Variants in TSBP1 observed in about 807,000 individuals in gnomAD.
TSBP1 encodes the protein testis expressed basic protein 1, also known as testis-expressed basic protein 1.
In TSBP1, 56 loss-of-function variants were observed where a neutral mutation model predicts 68.8. The observed-to-expected ratio is 0.81, with a 90% confidence interval of 0.66 to 1.02. The LOEUF is 1.02. TSBP1 is among the 50% of genes least tolerant of loss of function. The pLI is 0.00. For synonymous variants in TSBP1, 171 were observed against 208.7 expected, an observed-to-expected ratio of 0.82 and a Z score of 1.56; for missense variants, 502 against 641.2, an observed-to-expected ratio of 0.78 and a Z score of 2.34.
chr6:32,303,977 A>T (rs2127566849), intron 19 of TSBP1, among the ~76,000 whole-genome samples: 1 of 152,186 alleles, frequency 6.6e-6, no homozygotes, highest in Non-Finnish European at 1.5e-5. Flanking sequence ...CAAACTTCTT[A>T]GTGTATTATT....
At chr6:32,366,707 G>T (rs1194168571) in intron 4 of TSBP1, among the ~76,000 whole-genome samples, 1 of 133,110 alleles carries the variant, frequency 7.5e-6, no homozygotes, top group African/African-American at 2.7e-5. Context: ...AGCTTGCAGT[G>T]AGCCGAGATT....
At chr6:32,293,135 T>C in exon 23 of TSBP1, 1 of 1,598,040 alleles carries the variant, frequency 6.3e-7, no homozygotes, top group Non-Finnish European at 8.6e-7. Flanking sequence ...TTTTTCTTTT[T>C]TATTTGGATC....
At chr6:32,339,617 G>A in exon 10 of TSBP1, 1 of 1,286,646 alleles carries the variant, frequency 7.8e-7, no homozygotes, top group Non-Finnish European at 1.1e-6. Flanking sequence ...TTCTTCAGTT[G>A]TTTGTAAACA....
chr6:32,305,107 A>G (rs912027037), intron 19 of TSBP1, among the ~76,000 whole-genome samples: 4 of 152,194 alleles, frequency 2.6e-5, no homozygotes, highest in Non-Finnish European at 5.9e-5. Flanking sequence ...AAGCCCACCA[A>G]GAGTTTGCCT....
chr6:32,322,576 A>G (rs1367446182), intron 18 of TSBP1, 70 bp from the exon 20 acceptor site: 61 of 1,226,146 alleles, frequency 5.0e-5, no homozygotes, highest in Non-Finnish European at 6.3e-5. Context: ...TATCTAATAT[A>G]TTTTGCTGGA....
At chr6:32,370,471 C>G (rs1452748608) in intron 1 of TSBP1, among the ~76,000 whole-genome samples, 1 of 134,132 alleles carries the variant, frequency 7.5e-6, no homozygotes, top group Non-Finnish European at 1.6e-5. Context: ...TATAAATATA[C>G]TTTTATAGGC....
In TSBP1 at chr6:32,346,711, G is replaced by T. The variant is rs143255241; in HGVS notation, c.349+3029C>A. Among the ~76,000 whole-genome samples, 1,066 of 152,206 alleles carry T rather than the reference G, an allele frequency of 7.0e-3. 19 individuals carry two copies. The highest frequency in any genetic ancestry group is 0.019 in the East Asian group (100 of 5,170). On this transcript the variant is annotated intron_variant, in intron 9 of 22. Transcript: ENST00000612031. ...AAATTAGCTGGGTATTGTGGTGCAC[G>T]CCTGTAATCCCAGCTGCTTGGGTGG...
chr6:32,320,310 T>A (rs1315501840), intron 18 of TSBP1: 7 of 441,028 alleles, frequency 1.6e-5, no homozygotes, highest in Non-Finnish European at 3.2e-5. Context: ...CCTGGACAGA[T>A]CCAACTCTGG....
chr6:32,358,639 C>T (rs1374360923), intron 6 of TSBP1, among the ~76,000 whole-genome samples: 1 of 151,468 alleles, frequency 6.6e-6, no homozygotes, highest in East Asian at 2.0e-4. Flanking sequence ...TGTTCAATTC[C>T]CACCTGTGAG....
Position 32,325,916 on chromosome 6 carries a change from G to A in TSBP1, c.515-2302C>T. 4.5e-6 allele frequency: 7 copies of A among 1,554,868 alleles called. No homozygotes were observed. Among genetic ancestry groups the A allele is most frequent in the Middle Eastern group, 2.3e-4 (1 of 4,326 alleles). ...GGTGGCTTTGGTGGCAGCTGTGGTG[G>A]TGGTGGATATGGTGGCAGTGAGGAT... On this transcript the variant is annotated intron_variant, in intron 16 of 22. Coordinates refer to ENST00000612031, the Ensembl canonical transcript of TSBP1. This position sits in a 1 kb window ranked among gnomAD's most constrained non-coding sequence, Gnocchi z 4.4.
intron 22 of TSBP1, among the ~76,000 whole-genome samples, chr6:32,297,047 GTAATCTAGCT>G (rs1764797542): frequency 2.6e-5 from 4 of 152,020 alleles, no homozygotes; most frequent in African/African-American, 9.7e-5. Context: ...TTATTTTTGA[GTAATCTAGCT>G]ATCCCATAAA....
intron 19 of TSBP1, among the ~76,000 whole-genome samples, chr6:32,305,456 T>C (rs974906568): frequency 1.3e-5 from 2 of 152,226 alleles, no homozygotes; most frequent in African/African-American, 4.8e-5. Context: ...AGAAGGTATA[T>C]TGGCTCTGGA....
intron 19 of TSBP1, among the ~76,000 whole-genome samples, chr6:32,310,761 A>ATTTTTTT (rs199706394): frequency 2.1e-5 from 3 of 144,806 alleles, no homozygotes; most frequent in African/African-American, 7.6e-5. Flanking sequence ...ATATATATAT[A>ATTTTTTT]TTTTTAATCT....
intron 19 of TSBP1, among the ~76,000 whole-genome samples, chr6:32,305,421 A>T (rs6915879): frequency 0.2 from 31,023 of 152,166 alleles, 3,332 homozygotes; most frequent in Non-Finnish European, 0.22. Flanking sequence ...AGATGAATGC[A>T]CACTTACACG....
chr6:32,325,242 A>G lies in TSBP1; in HGVS notation c.515-1628T>C. On this transcript the variant is annotated intron_variant, in intron 16 of 22. Transcript: ENST00000612031. The surrounding 1 kb of genome is among the most constrained non-coding windows in gnomAD (Gnocchi z 4.4). ...TCTTATCTAAGTCAGAGTCTCCTAA[A>G]GAGCCAGAACAACTGAGGAAGCTCT... is the stretch of plus-strand genomic sequence containing the variant. 4 of 984,480 alleles carry G rather than the reference A, an allele frequency of 4.1e-6. No individual in the cohort carries two copies. Among genetic ancestry groups the G allele is most frequent in the Non-Finnish European group, 4.6e-6 (3 of 658,986 alleles). 61.0% of individuals were successfully genotyped at this position (984,480 alleles called of 1,614,324 possible).
rs770195164 is a variant in TSBP1 at position 32,306,365 on chromosome 6, C to T, written c.581-3736G>A. On this transcript the variant is annotated intron_variant, in intron 19 of 22. Coordinates refer to ENST00000612031, the Ensembl canonical transcript of TSBP1. The surrounding 1 kb of genome is among the most constrained non-coding windows in gnomAD (Gnocchi z 5.1). ...AGTCATCTCTTGATTCTAACTCCTG[C>T]GCATAATTTCCCCATATCCCCCCTC... 1.3e-5 allele frequency among the ~76,000 whole-genome samples: 2 copies of T among 152,130 alleles called. No homozygotes were observed. Among genetic ancestry groups the T allele is most frequent in the African/African-American group, 2.4e-5 (1 of 41,422 alleles).
intron 9 of TSBP1, 117 bp downstream of exon 9, chr6:32,349,623 G>A (rs533410236): frequency 6.2e-6 from 4 of 647,334 alleles, no homozygotes; most frequent in African/African-American, 5.5e-5. Context: ...TTGGAGAAAT[G>A]TGAAGCTTAA....
Position 32,336,675 on chromosome 6 carries a change from T to C in TSBP1, c.410-40A>G, listed in dbSNP as rs1489624486. ...GGAGGAAAGTGTGGTTTGACATTAATAGAATTTTCATTTTACCAGTATTGT... is the reference window on the plus strand; with the variant it reads ...GGAGGAAAGTGTGGTTTGACATTAACAGAATTTTCATTTTACCAGTATTGT... On this transcript the variant is annotated intron_variant, in intron 11 of 22. Coordinates refer to ENST00000612031, the Ensembl canonical transcript of TSBP1. The surrounding 1 kb of genome is among the most constrained non-coding windows in gnomAD (Gnocchi z 5.2). 6.3e-7 allele frequency: 1 copy of C among 1,593,118 alleles called. No homozygotes were observed. The highest frequency in any genetic ancestry group is 8.6e-7 in the Non-Finnish European group (1 of 1,162,204).
exon 23 of TSBP1, chr6:32,293,242 C>G (rs779627968): frequency 1.9e-6 from 3 of 1,612,844 alleles, no homozygotes; most frequent in South Asian, 2.2e-5. Context: ...GTACACCTGA[C>G]TCACTCTTCT....
Sources: allele counts gnomAD v4.1 joint callset (sites outside exome capture counted in the v4.1 genomes callset), GRCh38; gene constraint gnomAD v4.1.1; non-coding constraint Gnocchi (gnomAD v3.1); transcripts MANE v1.5; gene names NCBI Gene and HGNC (gene_info 2026-07-23, HGNC 2026-07-21).